Variants in KCNQ2 observed in about 807,000 individuals in gnomAD.
The protein encoded by KCNQ2 is potassium voltage-gated channel subfamily KQT member 2.
Under a neutral mutation model 84.8 loss-of-function variants are expected in KCNQ2, and 14 were observed. The ratio of observed to expected loss-of-function variants is 0.17; its 90% CI spans 0.11 to 0.26. KCNQ2 has a LOEUF of 0.26. KCNQ2 is among the 10% of genes least tolerant of loss of function. The pLI is 1.00. For missense variants in KCNQ2, 788 were observed against 1,254.0 expected (o/e 0.63, Z 5.61); for synonymous variants, 599 against 554.1 (o/e 1.08, Z -1.14).
At chr20:63,430,214 G>A (rs1007888989) in intron 9 of KCNQ2, among the ~76,000 whole-genome samples, 2 of 152,152 alleles carry the variant, frequency 1.3e-5, no homozygotes, top group African/African-American at 2.4e-5. Flanking sequence ...GCTGTGGGAC[G>A]AGGGTGCAAC....
chr20:63,434,106 C>G, intron 7 of KCNQ2: 1 of 566,586 alleles, frequency 1.8e-6, no homozygotes, highest in South Asian at 2.3e-5. Flanking sequence ...CAGGCAAGCC[C>G]GCTTGTCAGA....
At chr20:63,437,903 T>C (rs753267697) in intron 7 of KCNQ2, among the ~76,000 whole-genome samples, 1 of 152,068 alleles carries the variant, frequency 6.6e-6, no homozygotes, top group East Asian at 1.9e-4. Context: ...TCCGCCTCCC[T>C]GGTTCAAGCG....
At position 63,416,081 on chromosome 20, in the gene KCNQ2, C is replaced by G. The variant is rs2080287498; in HGVS notation, c.1302-955G>C. On this transcript the variant is annotated intron_variant, in intron 12 of 16. Coordinates refer to ENST00000359125, the MANE Select transcript of KCNQ2 (RefSeq NM_172107.4). ...ACCAGGTCCGTGTCAGAGAACTGCT[C>G]CTTCCGGCTTCTGGAAGGAAGGAAT... is the stretch of plus-strand genomic sequence containing the variant. Among the ~76,000 whole-genome samples the G allele has an allele frequency of 2.0e-5, 3 of 152,222 alleles. No homozygotes were observed. In the East Asian group the frequency reaches 5.8e-4, roughly 29 times the overall value.
rs2079799547 is a variant in KCNQ2, at chr20:63,401,059, G to A, written c.*5585C>T. ...GGCCCCTCCTTGCTGGCGCCTGGCC[G>A]AGAGTCAGACGCTGAGGACCTCTCA... On this transcript the variant is annotated 3_prime_UTR_variant, in exon 17 of 17. Transcript: ENST00000359125. 2.3e-5 allele frequency: 9 copies of A among 394,688 alleles called. 1 individual carries two copies. The highest frequency in any genetic ancestry group is 2.9e-4 in the South Asian group (2 of 6,986). The allele number at this position is 394,688 out of a possible 1,614,324, so 24.4% of individuals were successfully genotyped here. A position where few individuals can be genotyped will look rare whatever the true frequency, so the allele number is the denominator to read the frequency against.
rs115697659 is a variant in KCNQ2 at position 63,456,731 on chromosome 20, G to A, written c.297-9894C>T. Among the ~76,000 whole-genome samples, 1,428 of 152,266 alleles carry A rather than the reference G, an allele frequency of 9.4e-3. 18 individuals are homozygous for A. Among genetic ancestry groups the A allele is most frequent in the African/African-American group, 0.031 (1,284 of 41,538 alleles). On this transcript the variant is annotated intron_variant, in intron 1 of 16. Coordinates refer to ENST00000359125, the MANE Select transcript of KCNQ2 (RefSeq NM_172107.4). ...CGGAGACTCTCAGAGGCCCACGTGC[G>A]GATTGGCCAGAGCTGGCTGGCTGCA...
At chr20:63,464,010 C>A (rs1007860667) in intron 1 of KCNQ2, 3 of 152,172 alleles carry the variant, frequency 2.0e-5, no homozygotes, top group Non-Finnish European at 4.4e-5. Context: ...CCTGGAGCAA[C>A]CATGCTCTCC....
At position 63,438,785 on chromosome 20, in the gene KCNQ2, A is replaced by G. The variant is rs2081076414; in HGVS notation, c.928-65T>C. The G allele has an allele frequency of 3.2e-5, 46 of 1,440,132 alleles. No homozygotes were observed. Among genetic ancestry groups the G allele is most frequent in the Non-Finnish European group, 4.1e-5 (43 of 1,044,906 alleles). 89.2% of individuals were successfully genotyped at this position (1,440,132 alleles called of 1,614,324 possible). A position where few individuals can be genotyped will look rare whatever the true frequency, so the allele number is the denominator to read the frequency against. ...CCACACCCCAATTCATCAGGGTCAG[A>G]CCATGCTCTGGGGCCCCACACCCCC... On this transcript the variant is annotated intron_variant, in intron 6 of 16. Transcript: ENST00000359125. This position sits in a 1 kb window ranked among gnomAD's most constrained non-coding sequence, Gnocchi z 5.1.
chr20:63,442,666 CA>C, intron 4 of KCNQ2, 135 bp from the exon 5 acceptor site: 2 of 522,004 alleles, frequency 3.8e-6, no homozygotes, highest in Non-Finnish European at 6.4e-6. Context: ...CCACCATCAC[CA>C]CCACCACCAC....
At chr20:63,434,002 T>C in intron 7 of KCNQ2, 99 bp from the exon 8 acceptor site, 1 of 1,006,750 alleles carries the variant, frequency 9.9e-7, no homozygotes, top group Non-Finnish European at 1.5e-6. Context: ...GGGACCCCCA[T>C]GCTGTAGGCC....
chr20:63,417,897 G>T (rs1434590202), intron 12 of KCNQ2, among the ~76,000 whole-genome samples: 1 of 152,202 alleles, frequency 6.6e-6, no homozygotes, highest in Non-Finnish European at 1.5e-5. Context: ...CACGTGTACT[G>T]CCCCAGACAG....
Position 63,431,368 on chromosome 20 carries a change from A to G in KCNQ2, c.1120T>C (p.Ser374Pro). The change falls in exon 9 of 17, where the codon TCG (serine) becomes CCG (proline). Residue 374 changes from serine to proline, a missense_variant and splice_region_variant. Physicochemically the swap from Ser to Pro is moderately conservative, Grantham distance 74 (BLOSUM62 -1). Transcript: ENST00000359125. ...ERTVTVPMYS[S>P]QTQTYGASRL... ...GAGGCCCCGTAGGTTTGAGTTTGCG[A>G]ACTTTCAAGTGTTTCCACACACACA... is the stretch of plus-strand genomic sequence containing the variant. The G allele has an allele frequency of 1.9e-6, 3 of 1,613,852 alleles. No individual in the cohort carries two copies. Among genetic ancestry groups the G allele is most frequent in the Non-Finnish European group, 2.5e-6 (3 of 1,179,930 alleles).
rs757856249 is a variant in KCNQ2 at position 63,413,470 on chromosome 20, T to G, written c.1743A>C (p.Arg581=). 9 of 1,613,232 alleles carry G rather than the reference T, an allele frequency of 5.6e-6. No individual in the cohort carries two copies. Among genetic ancestry groups the G allele is most frequent in the Non-Finnish European group, 7.6e-6 (9 of 1,179,996 alleles). The change falls in exon 15 of 17, where the codon CGA becomes CGC. Residue 581 remains arginine, a synonymous_variant. Transcript: ENST00000359125. ...CTTGCCTGGACTGCAGGCTCTTAAT[T>G]CGGGACAGCATGTCCAGGTGGCCGG... ...YSAGHLDMLS[R]IKSLQSRVDQ...
In KCNQ2 at chr20:63,438,431, C is replaced by T; in HGVS notation, c.1023+194G>A. 1 of 644,818 alleles carries T rather than the reference C, an allele frequency of 1.6e-6. No individual in the cohort carries two copies. The highest frequency in any genetic ancestry group is 2.8e-6 in the Non-Finnish European group (1 of 356,108). 39.9% of individuals were successfully genotyped at this position (644,818 alleles called of 1,614,324 possible). ...CGTCCTCACACGAGCCACCCCTGTGCAGCCTCAGGGGTTGGAGCCATTTCT... is the reference window on the plus strand; with the variant it reads ...CGTCCTCACACGAGCCACCCCTGTGTAGCCTCAGGGGTTGGAGCCATTTCT... On this transcript the variant is annotated intron_variant, in intron 7 of 16. Coordinates refer to ENST00000359125, the MANE Select transcript of KCNQ2 (RefSeq NM_172107.4). The surrounding 1 kb of genome is among the most constrained non-coding windows in gnomAD (Gnocchi z 5.1).
chr20:63,413,436 G>C lies in KCNQ2; in HGVS notation c.1763+14C>G, dbSNP rs767673819. On this transcript the variant is annotated intron_variant, in intron 15 of 16. Transcript: ENST00000359125. ...GTTCTTGTCCCCTGCTGGACAGGCAGGCGGGGCTCTTGCCTGGACTGCAGG... is the reference window on the plus strand; with the variant it reads ...GTTCTTGTCCCCTGCTGGACAGGCACGCGGGGCTCTTGCCTGGACTGCAGG... The C allele has an allele frequency of 1.2e-6, 2 of 1,612,908 alleles. No homozygotes were observed. Among genetic ancestry groups the C allele is most frequent in the Non-Finnish European group, 1.7e-6 (2 of 1,179,930 alleles).
chr20:63,410,215 G>A (rs987141166), intron 15 of KCNQ2, among the ~76,000 whole-genome samples: 1 of 152,174 alleles, frequency 6.6e-6, no homozygotes, highest in African/African-American at 2.4e-5. Flanking sequence ...CACAGTCCAG[G>A]CAGATGCTCA....
rs587780367 is a variant in KCNQ2 at position 63,406,947 on chromosome 20, C to G, written c.2316G>C (p.Pro772=). 1 of 1,583,742 alleles carries G rather than the reference C, an allele frequency of 6.3e-7. No homozygotes were observed. The highest frequency in any genetic ancestry group is 1.1e-5 in the South Asian group (1 of 88,418). ...GGTTCCCCTCGGGGGGCCTGCAGCCCGGGGTGTCCTCCTGCCGCAGGAACT... is the reference window on the plus strand; with the variant it reads ...GGTTCCCCTCGGGGGGCCTGCAGCCGGGGGTGTCCTCCTGCCGCAGGAACT... ...SMEFLRQEDT[P]GCRPPEGNLR... Residue 772 remains proline (P), a synonymous_variant, in exon 17 of 17, where the codon CCG becomes CCC. Transcript: ENST00000359125.
intron 12 of KCNQ2, among the ~76,000 whole-genome samples, chr20:63,416,908 C>G (rs1476002577): frequency 6.6e-6 from 1 of 151,564 alleles, no homozygotes; most frequent in Non-Finnish European, 1.5e-5. Context: ...TCTGTGCCCA[C>G]TCAGCAGACC....
intron 7 of KCNQ2, among the ~76,000 whole-genome samples, chr20:63,435,249 A>C (rs1434659182): frequency 1.3e-5 from 2 of 152,132 alleles, no homozygotes; most frequent in Admixed American, 1.3e-4. Flanking sequence ...TTAGCCAGAT[A>C]TGGTGGTGCA....
chr20:63,406,718 A>G lies in KCNQ2; in HGVS notation c.2545T>C (p.Cys849Arg). Residue 849 changes from cysteine (C) to arginine (R), a missense_variant, in exon 17 of 17, where the codon TGC (cysteine) becomes CGC (arginine). Coordinates refer to ENST00000359125, the MANE Select transcript of KCNQ2 (RefSeq NM_172107.4). ...SDTDSDLCTPCGPPPRSATGE... is the reference protein window; with the variant it reads ...SDTDSDLCTPRGPPPRSATGE... ...GTGGCCGAGCGTGGCGGGGGCCCGC[A>G]CGGGGTACAGAGGTCGGAGTCGGTG... 1 of 1,605,186 alleles carries G rather than the reference A, an allele frequency of 6.2e-7. No individual in the cohort carries two copies. The highest frequency in any genetic ancestry group is 8.5e-7 in the Non-Finnish European group (1 of 1,177,080).
Sources: gnomAD v4.1 joint callset for allele counts (sites outside exome capture counted in the v4.1 genomes callset) on GRCh38, gnomAD v4.1.1 for gene constraint, Gnocchi (gnomAD v3.1) non-coding constraint, MANE v1.5 for transcripts, NCBI Gene and HGNC (gene_info 2026-07-23, HGNC 2026-07-21) for gene names.